Variants in KAZN observed in about 807,000 individuals in gnomAD.
KAZN encodes the protein kazrin.
In KAZN, 40 loss-of-function variants were observed where a neutral mutation model predicts 87.4. The observed-to-expected ratio is 0.46, with a 90% CI of 0.36 to 0.60. The LOEUF (loss-of-function observed/expected upper bound fraction) is 0.60, where lower values mean the gene tolerates loss of function less well. Among genes scored for constraint, KAZN ranks in the 20% least tolerant of loss-of-function variants. The pLI, the probability that KAZN is intolerant of heterozygous loss-of-function variation, is 0.00. For synonymous variants in KAZN, 466 were observed against 458.3 expected (o/e 1.02, Z -0.22); for missense variants, 898 against 1,073.9 (o/e 0.84, Z 2.29).
chr1:14,687,753 G>A (rs564464645), intron 1 of KAZN, among the ~76,000 whole-genome samples: 3 of 152,192 alleles, frequency 2.0e-5, no homozygotes, highest in East Asian at 1.9e-4. Flanking sequence ...ATGATTTATC[G>A]GGGCAATAAT....
intron 1 of KAZN, among the ~76,000 whole-genome samples, chr1:13,919,566 G>A (rs1639987115): frequency 6.6e-6 from 1 of 152,170 alleles, no homozygotes; most frequent in Non-Finnish European, 1.5e-5. Flanking sequence ...AGTAGAACTG[G>A]ATCATGGATG....
At chr1:14,772,861 A>G (rs912750522) in intron 1 of KAZN, among the ~76,000 whole-genome samples, 31 of 152,174 alleles carry the variant, frequency 2.0e-4, no homozygotes, top group African/African-American at 7.0e-4. Context: ...GAGAAAGCTG[A>G]GAATTTTCCC....
chr1:14,363,743 A>G (rs71629877), intron 2 of KAZN, among the ~76,000 whole-genome samples: 1 of 152,174 alleles, frequency 6.6e-6, no homozygotes, highest in Non-Finnish European at 1.5e-5. Flanking sequence ...AGAGACAGTG[A>G]CCATATGTGT....
chr1:14,557,633 T>TGTGG (rs1553188721), intron 2 of KAZN, among the ~76,000 whole-genome samples: 10 of 30,308 alleles, frequency 3.3e-4, no homozygotes, highest in African/African-American at 9.9e-4. Context: ...TGTGTGGGTG[T>TGTGG]GTGTGTGTGT....
intron 4 of KAZN, among the ~76,000 whole-genome samples, chr1:15,045,141 G>A (rs548374879): frequency 5.9e-5 from 9 of 152,266 alleles, no homozygotes; most frequent in African/African-American, 1.9e-4. Flanking sequence ...CTTGTTACTG[G>A]GCTGGGAGTG....
chr1:13,971,649 A>C (rs1642141029), intron 1 of KAZN, among the ~76,000 whole-genome samples: 1 of 151,990 alleles, frequency 6.6e-6, no homozygotes, highest in Non-Finnish European at 1.5e-5. Context: ...TTCACAAAGC[A>C]TGGTGATATG....
rs553239648 is a variant in KAZN, at chr1:14,458,025, C to T, written c.250-140958C>T. Among the ~76,000 whole-genome samples, 23 of 152,034 alleles carry T rather than the reference C, an allele frequency of 1.5e-4. No homozygotes were observed. In the South Asian group the frequency reaches 4.6e-3, roughly 30 times the overall value. ...TTTTAGTAGAGTTATGGTTTCACTG[C>T]GTTAGCCAGGATGGTCTCAATCTCC... On this transcript the variant is annotated intron_variant, in intron 2 of 16. Coordinates refer to the KAZN transcript ENST00000636203.
chr1:14,536,023 C>G (rs927189300), intron 2 of KAZN, among the ~76,000 whole-genome samples: 1 of 152,236 alleles, frequency 6.6e-6, no homozygotes, highest in South Asian at 2.1e-4. Context: ...TTAACTTGAA[C>G]TAGGACTCCC....
chr1:15,097,211 G>GA (rs1417258139), intron 10 of KAZN, among the ~76,000 whole-genome samples: 1 of 152,088 alleles, frequency 6.6e-6, no homozygotes, highest in East Asian at 1.9e-4. Flanking sequence ...ACTTTCTCTA[G>GA]AAAAAATACA....
chr1:14,376,638 G>A (rs1275150774), intron 2 of KAZN, among the ~76,000 whole-genome samples: 1 of 152,096 alleles, frequency 6.6e-6, no homozygotes, highest in Non-Finnish European at 1.5e-5. Flanking sequence ...ATAAAAAATG[G>A]ACTAAAATGA....
chr1:15,039,503 G>A (rs1327838507), intron 3 of KAZN, among the ~76,000 whole-genome samples: 1 of 152,090 alleles, frequency 6.6e-6, no homozygotes, highest in Admixed American at 6.6e-5. Flanking sequence ...TGTGAACCAT[G>A]GGTAGAGTGC....
chr1:14,084,736 G>T (rs1193950918), intron 1 of KAZN, among the ~76,000 whole-genome samples: 1 of 128,476 alleles, frequency 7.8e-6, no homozygotes, highest in Non-Finnish European at 1.6e-5. Flanking sequence ...TTGTGGGGTG[G>T]GGGGAGGGGA....
At chr1:14,092,460 T>TTA (rs749892358) in intron 1 of KAZN, among the ~76,000 whole-genome samples, 2,932 of 149,940 alleles carry the variant, frequency 0.02, 34 homozygotes, top group Non-Finnish European at 0.028. Flanking sequence ...AATAAATAAA[T>TTA]TATATATATA....
intron 2 of KAZN, among the ~76,000 whole-genome samples, chr1:14,238,238 G>A (rs1404854489): frequency 6.6e-6 from 1 of 152,206 alleles, no homozygotes; most frequent in Non-Finnish European, 1.5e-5. Flanking sequence ...CTTAGTGGGT[G>A]TTTCTCTGCT....
At chr1:14,689,307 C>T (rs1449690210) in intron 1 of KAZN, among the ~76,000 whole-genome samples, 1 of 152,206 alleles carries the variant, frequency 6.6e-6, no homozygotes, top group Non-Finnish European at 1.5e-5. Flanking sequence ...GAGAGCTACT[C>T]AGGGCCTGCC....
At chr1:14,883,178 C>A (rs1653524864) in intron 1 of KAZN, among the ~76,000 whole-genome samples, 13 of 151,390 alleles carry the variant, frequency 8.6e-5, no homozygotes, top group Admixed American at 8.6e-4. Context: ...GCCTGTAATC[C>A]CAGTTACTCA....
intron 1 of KAZN, among the ~76,000 whole-genome samples, chr1:14,920,765 C>T (rs1658419950): frequency 6.6e-6 from 1 of 152,174 alleles, no homozygotes; most frequent in African/African-American, 2.4e-5. Context: ...TGCCCAGAAG[C>T]TGGCTCTGCA....
At chr1:14,883,355 A>AAAGGAAAGAAAG (rs1449958306) in intron 1 of KAZN, among the ~76,000 whole-genome samples, 540 of 20,620 alleles carry the variant, frequency 0.026, 115 homozygotes, top group East Asian at 0.087. Context: ...AGAAAGAAAG[A>AAAGGAAAGAAAG]AAAGAAAGAA....
chr1:14,926,146 A>G (rs920540844), intron 1 of KAZN, among the ~76,000 whole-genome samples: 1 of 152,088 alleles, frequency 6.6e-6, no homozygotes, highest in Admixed American at 6.5e-5. Context: ...TCAGTTTCCC[A>G]TTAGATTGTG....
Sources: gnomAD v4.1 joint callset for allele counts (sites outside exome capture counted in the v4.1 genomes callset) on GRCh38, gnomAD v4.1.1 for gene constraint, MANE v1.5 for transcripts, NCBI Gene and HGNC (gene_info 2026-07-23, HGNC 2026-07-21) for gene names.